DNAH2: variants seen among roughly 807,000 people sequenced by gnomAD.
The protein encoded by DNAH2 is dynein axonemal heavy chain 2.
Under a neutral mutation model 523.5 loss-of-function variants are expected in DNAH2, and 323 were observed. The observed-to-expected ratio is 0.62, with a 90% CI of 0.56 to 0.68. The LOEUF is 0.68. Ranked by LOEUF, DNAH2 falls within the 30% of genes least tolerant of loss-of-function variation. DNAH2 has a pLI of 0.00. For synonymous variants in DNAH2, 2,093 were observed against 2,177.4 expected (o/e 0.96, Z 1.08); for missense variants, 4,907 against 5,701.5 (o/e 0.86, Z 4.49).
At position 7,759,529 on chromosome 17, in the gene DNAH2, C is replaced by T. The variant is rs371484896; in HGVS notation, c.2556C>T (p.Asn852=). ...TGCTAGAACTATCCAAGGCTATCAA[C>T]GGGGATGGAAAGACCAGCCCAAACC... ...WSLLELSKAI[N]GDGKTSPNPL... The change falls in exon 16 of 86, where the codon AAC becomes AAT. Residue 852 remains asparagine (N), a synonymous_variant. Transcript: ENST00000572933. 9.3e-6 allele frequency: 15 copies of T among 1,614,048 alleles called. No individual in the cohort carries two copies. The highest frequency in any genetic ancestry group is 3.3e-5 in the South Asian group (3 of 91,088).
chr17:7,766,336 T>A lies in DNAH2; in HGVS notation c.3530T>A (p.Val1177Glu). 6.2e-7 allele frequency: 1 copy of A among 1,613,644 alleles called. No homozygotes were observed. The highest frequency in any genetic ancestry group is 8.5e-7 in the Non-Finnish European group (1 of 1,179,742). Residue 1177 changes from valine to glutamate, a missense_variant, in exon 22 of 86, where the codon GTG (valine) becomes GAG (glutamate). Transcript: ENST00000572933. ...FEFKGHFTSN[V>E]GYMSALDQIT... is the part of the protein sequence containing the mutation. ...TCCACAGGCCATTTCACCAGCAACG[T>A]GGGATACATGTCTGCCTTAGACCAG...
At chr17:7,738,199 C>T in intron 8 of DNAH2, 1 of 676,386 alleles carries the variant, frequency 1.5e-6, no homozygotes, top group South Asian at 1.6e-5. Context: ...GACTTCTTTC[C>T]TGTACACTTT....
chr17:7,823,901 C>G lies in DNAH2; in HGVS notation c.11397C>G (p.Arg3799=), dbSNP rs747175557. Residue 3799 remains arginine (R), a synonymous_variant, in exon 75 of 86, where the codon CGC becomes CGG. Transcript: ENST00000572933. The part of the protein sequence containing the change: ...MLIVRSLRQD[R]VAFCVTSFII... Reference sequence around the variant, plus strand: ...TCGTTCGCTCCCTGCGCCAGGACCGCGTGGCCTTCTGCGTGACCTCCTTCA... The same window carrying G: ...TCGTTCGCTCCCTGCGCCAGGACCGGGTGGCCTTCTGCGTGACCTCCTTCA... 2 of 1,614,016 alleles carry G rather than the reference C, an allele frequency of 1.2e-6. No homozygotes were observed. The highest frequency in any genetic ancestry group is 1.1e-5 in the South Asian group (1 of 91,088).
At chr17:7,755,071 T>C in intron 12 of DNAH2, 1 of 258,732 alleles carries the variant, frequency 3.9e-6, no homozygotes, top group African/African-American at 2.2e-5. Flanking sequence ...TGGAAACAGG[T>C]AAGTGCATAC....
rs778080261 is a variant in DNAH2 at position 7,768,167 on chromosome 17, C to T, written c.3841C>T (p.Arg1281Ter). ...LTKLAKEYKD[R>*]NWEIIETTRS... ...CATGCCCCCAACTTTTGCTCAGGAC[C>T]GAAACTGGGAAATTATTGAAACCAC... The change falls in exon 24 of 86, where the codon CGA (arginine) becomes TGA (stop). Residue 1281 changes from arginine to a stop codon, truncating the protein, a stop_gained. Coordinates refer to ENST00000572933, the MANE Select transcript of DNAH2 (RefSeq NM_020877.5). LOFTEE classifies it high-confidence loss of function. 3.3e-5 allele frequency: 54 copies of T among 1,614,046 alleles called. No homozygotes were observed. The highest frequency in any genetic ancestry group is 2.1e-4 in the South Asian group (19 of 91,082).
In DNAH2 at chr17:7,821,201, A is replaced by G. The variant is rs1341176430; in HGVS notation, c.11016-42A>G. The G allele has an allele frequency of 1.9e-6, 3 of 1,599,018 alleles. No individual in the cohort carries two copies. The highest frequency in any genetic ancestry group is 1.7e-6 in the Non-Finnish European group (2 of 1,170,310). ...GCATTCGCATGGAGCATCAGCCCCC[A>G]TTCCATGCTGCCCCTCCCTCTTCCC... On this transcript the variant is annotated intron_variant, in intron 72 of 85. Coordinates refer to ENST00000572933, the MANE Select transcript of DNAH2 (RefSeq NM_020877.5). This position sits in a 1 kb window ranked among gnomAD's most constrained non-coding sequence, Gnocchi z 5.0.
intron 11 of DNAH2, among the ~76,000 whole-genome samples, chr17:7,741,482 C>A (rs1329174553): frequency 6.6e-6 from 1 of 150,944 alleles, no homozygotes; most frequent in South Asian, 2.1e-4. Flanking sequence ...CTCAGCCTCC[C>A]GAGTAGCTGG....
intron 46 of DNAH2, 106 bp from the exon 47 acceptor site, chr17:7,792,551 G>T: frequency 9.3e-7 from 1 of 1,075,370 alleles, no homozygotes; most frequent in Non-Finnish European, 1.4e-6. Flanking sequence ...GGCCCCACAG[G>T]AGGGCAGGGT....
At chr17:7,797,048 G>T in intron 50 of DNAH2, 128 bp from the exon 51 acceptor site, 1 of 825,752 alleles carries the variant, frequency 1.2e-6, no homozygotes, top group Non-Finnish European at 1.9e-6. Context: ...GTTGCAGTGA[G>T]CTGAGATTGC....
chr17:7,747,439 T>C (rs992532624), intron 12 of DNAH2, among the ~76,000 whole-genome samples: 1 of 152,234 alleles, frequency 6.6e-6, no homozygotes, highest in African/African-American at 2.4e-5. Context: ...GTACAGTTTC[T>C]GTAAGGTTCT....
At chr17:7,723,036 C>G (rs993210527) in intron 2 of DNAH2, among the ~76,000 whole-genome samples, 13 of 130,756 alleles carry the variant, frequency 9.9e-5, no homozygotes, top group Non-Finnish European at 1.7e-4. Context: ...GTGGCGCAAT[C>G]TCGGCTCACT....
At chr17:7,784,606 T>G (rs1376563160) in intron 39 of DNAH2, among the ~76,000 whole-genome samples, 1 of 152,138 alleles carries the variant, frequency 6.6e-6, no homozygotes, top group African/African-American at 2.4e-5. Context: ...CATAGAAAAT[T>G]GTTGGACCAT....
intron 2 of DNAH2, among the ~76,000 whole-genome samples, chr17:7,722,197 G>C (rs1004232184): frequency 7.1e-5 from 10 of 141,382 alleles, no homozygotes; most frequent in Admixed American, 4.2e-4. Context: ...CGGGGGGGGG[G>C]GTTCACCATC....
chr17:7,734,844 T>C lies in DNAH2; in HGVS notation c.978+136T>C. 5 of 820,970 alleles carry C rather than the reference T, an allele frequency of 6.1e-6. No homozygotes were observed. The South Asian group carries it at 8.1e-5, about 13-fold the overall frequency. The allele number at this position is 820,970 out of a possible 1,614,324, so 50.9% of individuals were successfully genotyped here. A position where few individuals can be genotyped will look rare whatever the true frequency, so the allele number is the denominator to read the frequency against. On this transcript the variant is annotated intron_variant, in intron 7 of 85. Transcript: ENST00000572933. ...CTGACCCACCCAGGGTTCGGCCTTG[T>C]ACTTGCAGGAGAGTATAAAATAGTA...
At chr17:7,797,045 T>C (rs1307433865) in intron 50 of DNAH2, 131 bp from the exon 51 acceptor site, 1 of 798,448 alleles carries the variant, frequency 1.3e-6, no homozygotes, top group Non-Finnish European at 2.0e-6. Flanking sequence ...GAGGTTGCAG[T>C]GAGCTGAGAT....
intron 63 of DNAH2, among the ~76,000 whole-genome samples, chr17:7,815,729 C>T (rs1165652302): frequency 5.3e-5 from 8 of 151,610 alleles, no homozygotes; most frequent in African/African-American, 1.5e-4. Context: ...CACACGTATA[C>T]GGGATCACAC....
At chr17:7,818,118 C>A in intron 68 of DNAH2, 22 bp downstream of exon 68, 1 of 1,609,054 alleles carries the variant, frequency 6.2e-7, no homozygotes, top group Non-Finnish European at 8.5e-7. Context: ...TCCCCAAGAC[C>A]AGCCAAGTGG....
Position 7,805,329 on chromosome 17 carries a change from G to A in DNAH2, c.9378G>A (p.Val3126=), listed in dbSNP as rs762973325. The change falls in exon 61 of 86, where the codon GTG becomes GTA. Residue 3126 remains valine (V), a synonymous_variant. Coordinates refer to ENST00000572933, the MANE Select transcript of DNAH2 (RefSeq NM_020877.5). ...YGRPPAQVEI[V]MQAVMILRGN... is the part of the protein sequence containing the mutation. ...GGCCCCCAGCCCAAGTGGAGATAGT[G>A]ATGCAGGCAGTTATGATTCTTCGAG... is the stretch of plus-strand genomic sequence containing the variant. The A allele has an allele frequency of 6.2e-7, 1 of 1,614,258 alleles. No homozygotes were observed. The highest frequency in any genetic ancestry group is 1.3e-5 in the African/African-American group (1 of 75,058).
chr17:7,775,978 C>T (rs750166166), intron 30 of DNAH2, 46 bp from the exon 31 acceptor site: 31 of 1,606,562 alleles, frequency 1.9e-5, no homozygotes, highest in Admixed American at 6.7e-5. Context: ...GGACCTTGGC[C>T]GTGCCCCCTC....
Sources: allele counts gnomAD v4.1 joint callset (sites outside exome capture counted in the v4.1 genomes callset), GRCh38; gene constraint gnomAD v4.1.1; non-coding constraint Gnocchi (gnomAD v3.1); transcripts MANE v1.5; gene names NCBI Gene and HGNC (gene_info 2026-07-23, HGNC 2026-07-21).